Variants in KRT82 observed in about 807,000 individuals in gnomAD.
KRT82 encodes the protein keratin, type II cuticular Hb2.
Under a neutral mutation model 48.0 loss-of-function variants are expected in KRT82, and 44 were observed. The ratio of observed to expected loss-of-function variants is 0.92; its 90% confidence interval spans 0.72 to 1.18. The LOEUF is 1.18. Among genes scored for constraint, KRT82 ranks in the 50% most tolerant of loss-of-function variants. The pLI is 0.00. For synonymous variants in KRT82, 297 were observed against 278.3 expected, an observed-to-expected ratio of 1.07 and a Z score of -0.67; for missense variants, 701 against 671.4, an observed-to-expected ratio of 1.04 and a Z score of -0.49.
In KRT82 at chr12:52,406,326, G is replaced by A. The variant is rs1237824364; in HGVS notation, c.-49C>T. 3 of 1,496,450 alleles carry A rather than the reference G, an allele frequency of 2.0e-6. No homozygotes were observed. Among genetic ancestry groups the A allele is most frequent in the African/African-American group, 2.8e-5 (2 of 71,954 alleles). The allele number at this position is 1,496,450 out of a possible 1,614,324, so 92.7% of individuals were successfully genotyped here. On this transcript the variant is annotated 5_prime_UTR_variant, in exon 1 of 9. Transcript: ENST00000257974. Reference sequence around the variant, plus strand: ...TGCGGCCCTGGAGGAAAGAACCGGGGCAGGATGATCAAGTCAGGCTCAGCT... The same window carrying A: ...TGCGGCCCTGGAGGAAAGAACCGGGACAGGATGATCAAGTCAGGCTCAGCT...
At chr12:52,403,545 A>G (rs2121482605) in intron 2 of KRT82, among the ~76,000 whole-genome samples, 156 bp downstream of exon 2, 1 of 152,270 alleles carries the variant, frequency 6.6e-6, no homozygotes, top group Admixed American at 6.5e-5. Context: ...ACCGTGTGCC[A>G]AGTGGGGTGC....
chr12:52,400,565 C>T lies in KRT82; in HGVS notation c.739G>A (p.Val247Met), dbSNP rs776894908. The change falls in exon 4 of 9, where the codon GTG becomes ATG. Residue 247 changes from valine to methionine, a missense_variant. Val to Met is a conservative substitution (Grantham distance 21). Transcript: ENST00000257974. ...CTTTTCAGGAAGTCGATCTCCTGCA[C>T]GAGTGCCTCTGCGTTGGTCTCCAGG... is the stretch of plus-strand genomic sequence containing the variant. ...ADLETNAEAL[V>M]QEIDFLKSLY... is the part of the protein sequence containing the mutation. 1.3e-5 allele frequency: 21 copies of T among 1,613,990 alleles called. No individual in the cohort carries two copies. Among genetic ancestry groups the T allele is most frequent in the East Asian group, 4.5e-5 (2 of 44,882 alleles).
chr12:52,400,468 C>A, intron 4 of KRT82, 59 bp downstream of exon 4: 1 of 1,310,284 alleles, frequency 7.6e-7, no homozygotes, highest in Non-Finnish European at 1.1e-6. Context: ...CACTCTGCTG[C>A]CCTCTCGATC....
At chr12:52,401,402 G>A in intron 2 of KRT82, 53 bp from the exon 3 acceptor site, 1 of 1,584,690 alleles carries the variant, frequency 6.3e-7, no homozygotes, top group Non-Finnish European at 8.7e-7. Context: ...GATTTTGGAA[G>A]AGATCTTGGC....
At position 52,401,320 on chromosome 12, in the gene KRT82, CAG is replaced by C. The variant is rs1286356130; in HGVS notation, c.648_649del (p.Val218Ter). The C allele has an allele frequency of 4.3e-6, 7 of 1,614,124 alleles. No individual in the cohort carries two copies. The Middle Eastern group carries it at 4.9e-4, about 114-fold the overall frequency. ...CAAGGCAACAAACTCATTCTCAACA[CAG>C]GGACGCAGGGAGAGCTCCTCTTCGT... On this transcript the variant is annotated frameshift_variant, in exon 3 of 9. Coordinates refer to ENST00000257974, the MANE Select transcript of KRT82 (RefSeq NM_033033.4). LOFTEE classifies it high-confidence loss of function.
chr12:52,405,974 G>C lies in KRT82; in HGVS notation c.304C>G (p.Leu102Val), dbSNP rs1163460084. 1.9e-6 allele frequency: 3 copies of C among 1,614,240 alleles called. No individual in the cohort carries two copies. The highest frequency in any genetic ancestry group is 2.5e-6 in the Non-Finnish European group (3 of 1,180,044). The change falls in exon 1 of 9, where the codon CTG (leucine) becomes GTG (valine). Residue 102 changes from leucine to valine, a missense_variant. Leu to Val is a conservative substitution (Grantham distance 32). Coordinates refer to ENST00000257974, the MANE Select transcript of KRT82 (RefSeq NM_033033.4). ...ITPVTINESL[L>V]VPLALEIDPT... The stretch of plus-strand genomic sequence containing the variant: ...TCTATCTCCAGTGCCAGTGGGACCA[G>C]CAGGCTCTCATTGATGGTGACAGGG...
At chr12:52,399,311 A>T (rs541495943) in intron 5 of KRT82, among the ~76,000 whole-genome samples, 1 of 152,190 alleles carries the variant, frequency 6.6e-6, no homozygotes, top group South Asian at 2.1e-4. Flanking sequence ...AATGAAAGCG[A>T]CATGAAGGCA....
chr12:52,401,123 T>C (rs1302914755), intron 3 of KRT82, among the ~76,000 whole-genome samples, 166 bp downstream of exon 3: 1 of 151,998 alleles, frequency 6.6e-6, no homozygotes, highest in Non-Finnish European at 1.5e-5. Flanking sequence ...GAGGCCGGCC[T>C]TCCTCATTCT....
In KRT82 at chr12:52,400,140, G is replaced by C. The variant is rs549185599; in HGVS notation, c.787C>G (p.Leu263Val). The part of the protein sequence containing the change: ...LKSLYEEEIC[L>V]LQSQISETSV... ...GTCTCAGAGATCTGAGACTGGAGCA[G>C]GCAGATCTCCTGGGGGCAGGGCCCA... is the stretch of plus-strand genomic sequence containing the variant. Residue 263 changes from leucine (L) to valine (V), a missense_variant, in exon 5 of 9, where the codon CTG becomes GTG. Transcript: ENST00000257974. The C allele has an allele frequency of 2.5e-5, 40 of 1,613,372 alleles. No individual in the cohort carries two copies. The South Asian group carries it at 4.3e-4, about 17-fold the overall frequency.
chr12:52,396,414 C>A (rs540816633), intron 6 of KRT82, among the ~76,000 whole-genome samples, 182 bp from the exon 7 acceptor site: 16 of 152,304 alleles, frequency 1.1e-4, no homozygotes, highest in African/African-American at 3.6e-4. Flanking sequence ...AAAATACCTC[C>A]AAGAGAGCGG....
At chr12:52,398,238 A>G (rs745675450) in intron 5 of KRT82, among the ~76,000 whole-genome samples, 38 of 152,144 alleles carry the variant, frequency 2.5e-4, no homozygotes, top group Non-Finnish European at 5.4e-4. Context: ...GGGGGGAATG[A>G]CCCAGTTGGC....
At chr12:52,403,100 G>A (rs556099765) in intron 2 of KRT82, among the ~76,000 whole-genome samples, 11 of 152,294 alleles carry the variant, frequency 7.2e-5, no homozygotes, top group South Asian at 6.2e-4. Flanking sequence ...ATTAGACCTG[G>A]AGCTCATCCT....
Position 52,406,194 on chromosome 12 carries a change from G to A in KRT82, c.84C>T (p.Val28=). The part of the protein sequence containing the change: ...SSYSAVMPRM[V]THYAVSKGPC... ...GCCCCTTGCTCACTGCATAGTGGGT[G>A]ACCATCCGGGGCATGACAGCCGAGT... The change falls in exon 1 of 9, where the codon GTC becomes GTT. Residue 28 remains valine (V), a synonymous_variant. Coordinates refer to ENST00000257974, the MANE Select transcript of KRT82 (RefSeq NM_033033.4). 1 of 1,613,536 alleles carries A rather than the reference G, an allele frequency of 6.2e-7. No homozygotes were observed. Among genetic ancestry groups the A allele is most frequent in the Non-Finnish European group, 8.5e-7 (1 of 1,179,914 alleles).
Position 52,396,963 on chromosome 12 carries a change from G to A in KRT82, c.988C>T (p.Arg330Cys), listed in dbSNP as rs139209735. ...TCCAGGATCTCGTTCTTACGGTTGC[G>A]GAGGTTGTCACAGTGGTTCCCAGCT... ...VTAGNHCDNL[R>C]NRKNEILEMN... Residue 330 changes from arginine (R) to cysteine (C), a missense_variant, in exon 6 of 9, where the codon CGC becomes TGC. Coordinates refer to ENST00000257974, the MANE Select transcript of KRT82 (RefSeq NM_033033.4). The A allele has an allele frequency of 6.3e-4, 1,022 of 1,614,006 alleles. No individual in the cohort carries two copies. The highest frequency in any genetic ancestry group is 4.3e-3 in the Middle Eastern group (26 of 6,062).
intron 5 of KRT82, among the ~76,000 whole-genome samples, chr12:52,397,946 C>G (rs899700933): frequency 2.0e-5 from 3 of 152,132 alleles, no homozygotes; most frequent in African/African-American, 7.2e-5. Flanking sequence ...ACTTGGGAGG[C>G]TGAGGCAGGA....
chr12:52,395,323 C>T, intron 8 of KRT82, 128 bp from the exon 9 acceptor site: 1 of 728,600 alleles, frequency 1.4e-6, no homozygotes, highest in South Asian at 1.8e-5. Context: ...CCCATTCCAG[C>T]CTCCAGCCTC....
rs1417653069 is a variant in KRT82, at chr12:52,394,220, C to T, written c.*755G>A. On this transcript the variant is annotated 3_prime_UTR_variant, in exon 9 of 9. Coordinates refer to ENST00000257974, the MANE Select transcript of KRT82 (RefSeq NM_033033.4). ...GGGATGGGTGGAGGGGGAACTGATT[C>T]CATTGAGAAAATGGTATCTGTTTTT... The T allele has an allele frequency of 1.3e-5, 2 of 152,256 alleles. No homozygotes were observed. The highest frequency in any genetic ancestry group is 4.8e-5 in the African/African-American group (2 of 41,450). The allele number at this position is 152,256 out of a possible 1,614,324, so 9.4% of individuals were successfully genotyped here.
rs149954059 is a variant in KRT82 at position 52,396,975 on chromosome 12, A to G, written c.976T>C (p.Cys326Arg). Residue 326 changes from cysteine to arginine, a missense_variant, in exon 6 of 9, where the codon TGT becomes CGT. Physicochemically the swap from Cys to Arg is radical, Grantham distance 180. Coordinates refer to ENST00000257974, the MANE Select transcript of KRT82 (RefSeq NM_033033.4). The stretch of plus-strand genomic sequence containing the variant: ...TTCTTACGGTTGCGGAGGTTGTCAC[A>G]GTGGTTCCCAGCTGTGACTCTCAGC... ...EELRVTAGNH[C>R]DNLRNRKNEI... 4 of 1,613,880 alleles carry G rather than the reference A, an allele frequency of 2.5e-6. No homozygotes were observed. In the African/African-American group the frequency reaches 5.3e-5, roughly 22 times the overall value.
At position 52,396,030 on chromosome 12, in the gene KRT82, A is replaced by G; in HGVS notation, c.1271T>C (p.Leu424Pro). The G allele has an allele frequency of 3.1e-6, 5 of 1,614,030 alleles. No individual in the cohort carries two copies. The highest frequency in any genetic ancestry group is 3.4e-6 in the Non-Finnish European group (4 of 1,180,014). ...AGCTCACCTGTGCTCTTCACCCTCC[A>G]GCAGGCGCCTGTAGGTGGCGATCTC... ...DIEIATYRRL[L>P]EGEEHRLCEG... The change falls in exon 7 of 9, where the codon CTG (leucine) becomes CCG (proline). Residue 424 changes from leucine (L) to proline (P), a missense_variant. By Grantham distance (98) the Leu-to-Pro change is moderately conservative (BLOSUM62 -3). Coordinates refer to ENST00000257974, the MANE Select transcript of KRT82 (RefSeq NM_033033.4).
Sources: gnomAD v4.1 joint callset for allele counts (sites outside exome capture counted in the v4.1 genomes callset) on GRCh38, gnomAD v4.1.1 for gene constraint, MANE v1.5 for transcripts, NCBI Gene and HGNC (gene_info 2026-07-23, HGNC 2026-07-21) for gene names.